PLEKHM1: variants seen among roughly 807,000 people sequenced by gnomAD.
PLEKHM1 encodes pleckstrin homology domain-containing family M member 1.
A neutral mutation model predicts 94.3 loss-of-function variants in PLEKHM1; 28 were observed. That is an observed-to-expected ratio of 0.30 (90% CI 0.22 to 0.41). The LOEUF (loss-of-function observed/expected upper bound fraction) is 0.41. Ranked by LOEUF, PLEKHM1 falls within the 10% of genes least tolerant of loss-of-function variation. The pLI is 1.00. For synonymous variants in PLEKHM1, 424 were observed against 581.2 expected (o/e 0.73, Z 3.89); for missense variants, 907 against 1,358.6 (o/e 0.67, Z 5.22).
intron 6 of PLEKHM1, 23 bp downstream of exon 6, chr17:45,458,146 C>T (rs369155461): frequency 6.2e-7 from 1 of 1,610,352 alleles, no homozygotes; most frequent in Non-Finnish European, 8.5e-7. Context: ...TGGGACCCAC[C>T]CGGGACCCTC....
At chr17:45,469,992 A>C (rs1424512073) in intron 4 of PLEKHM1, among the ~76,000 whole-genome samples, 3 of 152,094 alleles carry the variant, frequency 2.0e-5, no homozygotes, top group African/African-American at 7.2e-5. Context: ...GAATTGCTTG[A>C]ACCCGGAAGG....
intron 5 of PLEKHM1, among the ~76,000 whole-genome samples, chr17:45,462,043 A>G (rs1597961621): frequency 6.6e-6 from 1 of 152,100 alleles, no homozygotes; most frequent in Non-Finnish European, 1.5e-5. Context: ...TCACCCTGAC[A>G]TCGCTATTTC....
intron 7 of PLEKHM1, among the ~76,000 whole-genome samples, chr17:45,451,228 G>T (rs538680716): frequency 5.4e-4 from 83 of 152,346 alleles, no homozygotes; most frequent in Non-Finnish European, 2.5e-4. Flanking sequence ...GTAGCTGGGG[G>T]ACAGGGACCA....
At chr17:45,458,076 C>T in intron 6 of PLEKHM1, 93 bp downstream of exon 6, 1 of 933,384 alleles carries the variant, frequency 1.1e-6, no homozygotes, top group South Asian at 1.4e-5. Context: ...ACACACTACC[C>T]CTTTAGCAAT....
rs1421463918 is a variant in PLEKHM1 at position 45,474,341 on chromosome 17, G to A, written c.923+759C>T. Among the ~76,000 whole-genome samples the A allele has an allele frequency of 2.0e-5, 3 of 151,998 alleles. No homozygotes were observed. The East Asian group carries it at 5.8e-4, about 29-fold the overall frequency. ...CAAGGTGCTGGGATTACAGGCGTGA[G>A]CCACCGTGCCCAGCTGCAAAAAAAT... On this transcript the variant is annotated intron_variant, in intron 4 of 11. Coordinates refer to ENST00000430334, the MANE Select transcript of PLEKHM1 (RefSeq NM_014798.3).
In PLEKHM1 at chr17:45,477,948, G is replaced by A. The variant is rs1257620083; in HGVS notation, c.248C>T (p.Pro83Leu). The change falls in exon 3 of 12, where the codon CCT becomes CTT. Residue 83 changes from proline to leucine, a missense_variant. Transcript: ENST00000430334. Reference sequence around the variant, plus strand: ...GGGCCAGAAGACAGGCTGGGGCAGAGGCTTCTGGTGGGCACTTTTCTTCCT... The same window carrying A: ...GGGCCAGAAGACAGGCTGGGGCAGAAGCTTCTGGTGGGCACTTTTCTTCCT... ...GKRKKSAHQK[P>L]LPQPVFWPLL... The A allele has an allele frequency of 5.0e-6, 8 of 1,613,874 alleles. No individual in the cohort carries two copies. The highest frequency in any genetic ancestry group is 2.7e-5 in the African/African-American group (2 of 74,936).
chr17:45,475,672 G>A lies in PLEKHM1; in HGVS notation c.351C>T (p.Arg117=), dbSNP rs770764332. ...GGGCCAGCCGCAGCCATGCCCGGCAGCGGCCCACATCCGTGTTGACAAACG... is the reference window on the plus strand; with the variant it reads ...GGGCCAGCCGCAGCCATGCCCGGCAACGGCCCACATCCGTGTTGACAAACG... The part of the protein sequence containing the change: ...HLTFVNTDVG[R]CRAWLRLALN... Residue 117 remains arginine (R), a synonymous_variant, in exon 4 of 12, where the codon CGC becomes CGT. Coordinates refer to ENST00000430334, the MANE Select transcript of PLEKHM1 (RefSeq NM_014798.3). 1 of 1,613,770 alleles carries A rather than the reference G, an allele frequency of 6.2e-7. No homozygotes were observed. Among genetic ancestry groups the A allele is most frequent in the Admixed American group, 1.7e-5 (1 of 59,958 alleles).
At chr17:45,446,786 G>GA (rs2050620296) in intron 8 of PLEKHM1, among the ~76,000 whole-genome samples, 1 of 152,104 alleles carries the variant, frequency 6.6e-6, no homozygotes, top group Non-Finnish European at 1.5e-5. Flanking sequence ...TTGTGTAGGG[G>GA]AAAAAAAGTC....
chr17:45,483,411 A>G (rs1266250447), intron 1 of PLEKHM1, among the ~76,000 whole-genome samples: 1 of 136,482 alleles, frequency 7.3e-6, no homozygotes, highest in African/African-American at 2.8e-5. Flanking sequence ...TTCCTCCTGG[A>G]AGTGGGTGGG....
At chr17:45,466,667 C>A (rs1339308256) in intron 5 of PLEKHM1, among the ~76,000 whole-genome samples, 2 of 152,008 alleles carry the variant, frequency 1.3e-5, no homozygotes, top group Non-Finnish European at 2.9e-5. Context: ...ATTTAGTCAT[C>A]AAGGATATGA....
intron 5 of PLEKHM1, among the ~76,000 whole-genome samples, chr17:45,464,802 C>T (rs1267618067): frequency 6.6e-6 from 1 of 152,246 alleles, no homozygotes; most frequent in African/African-American, 2.4e-5. Context: ...CGATGGTACA[C>T]TTCGATGACC....
At position 45,467,587 on chromosome 17, in the gene PLEKHM1, C is replaced by T. The variant is rs563213087; in HGVS notation, c.1308+622G>A. Among the ~76,000 whole-genome samples, 6 of 152,176 alleles carry T rather than the reference C, an allele frequency of 3.9e-5. No individual in the cohort carries two copies. The South Asian group carries it at 1.2e-3, about 32-fold the overall frequency. On this transcript the variant is annotated intron_variant, in intron 5 of 11. Coordinates refer to ENST00000430334, the MANE Select transcript of PLEKHM1 (RefSeq NM_014798.3). The stretch of plus-strand genomic sequence containing the variant: ...ACCAGCCTGGCCAACATGATGAAAC[C>T]CCATCTCTACTAAAAACACAAAACT...
chr17:45,446,606 C>CT (rs1357112873), intron 8 of PLEKHM1, among the ~76,000 whole-genome samples: 1 of 152,196 alleles, frequency 6.6e-6, no homozygotes, highest in African/African-American at 2.4e-5. Context: ...TGGCTCAGAT[C>CT]TTTAACATCT....
intron 8 of PLEKHM1, 114 bp downstream of exon 8, chr17:45,450,504 T>C (rs2050746221): frequency 2.0e-5 from 30 of 1,521,682 alleles, no homozygotes; most frequent in Non-Finnish European, 2.6e-5. Flanking sequence ...CCAGTGACCC[T>C]GGCTTCCCTT....
Position 45,440,158 on chromosome 17 carries a change from C to CTT in PLEKHM1, c.2901+3_2901+4dup. The CTT allele has an allele frequency of 1.2e-6, 2 of 1,613,356 alleles. No individual in the cohort carries two copies. Among genetic ancestry groups the CTT allele is most frequent in the Non-Finnish European group, 1.7e-6 (2 of 1,179,256 alleles). The stretch of plus-strand genomic sequence containing the variant: ...GTCTGGGCGGGGGAAGCATGACACT[C>CTT]TTACCTGTTGGAGGTCAGCAACACT... On this transcript the variant is annotated splice_donor_region_variant and intron_variant, in intron 10 of 11. Transcript: ENST00000430334.
Position 45,453,916 on chromosome 17 carries a change from C to T in PLEKHM1, c.1936G>A (p.Glu646Lys). 6.2e-7 allele frequency: 1 copy of T among 1,613,808 alleles called. No individual in the cohort carries two copies. The highest frequency in any genetic ancestry group is 1.1e-5 in the South Asian group (1 of 91,070). The part of the protein sequence containing the change: ...VNVQYPDQPE[E>K]PPEAPQGCLS... ...CAGCCCTGGGGCGCCTCGGGGGGTT[C>T]CTCAGGCTGGTCTGGGTACTGCACG... Residue 646 changes from glutamate (E) to lysine (K), a missense_variant, in exon 7 of 12, where the codon GAA becomes AAA. Physicochemically the swap from Glu to Lys is moderately conservative, Grantham distance 56. Around this residue, in one of 3 missense-constraint regions of PLEKHM1, gnomAD observed 477 missense variants for 601.5 expected, o/e 0.79. Transcript: ENST00000430334. The surrounding 1 kb of genome is among the most constrained non-coding windows in gnomAD (Gnocchi z 4.1).
At chr17:45,486,828 G>A (rs1460892355) in intron 1 of PLEKHM1, among the ~76,000 whole-genome samples, 1 of 152,098 alleles carries the variant, frequency 6.6e-6, no homozygotes, top group Non-Finnish European at 1.5e-5. Context: ...TCATGCTCAG[G>A]GAGGCAGGGC....
At chr17:45,483,130 C>T (rs1188099157) in intron 1 of PLEKHM1, among the ~76,000 whole-genome samples, 1 of 151,932 alleles carries the variant, frequency 6.6e-6, no homozygotes, top group Non-Finnish European at 1.5e-5. Context: ...TTGAGCAGCA[C>T]AGACAGGGAC....
chr17:45,458,271 C>T lies in PLEKHM1; in HGVS notation c.1477G>A (p.Ala493Thr), dbSNP rs964868552. The T allele has an allele frequency of 1.9e-6, 3 of 1,610,734 alleles. No homozygotes were observed. Among genetic ancestry groups the T allele is most frequent in the South Asian group, 1.1e-5 (1 of 90,484 alleles). Residue 493 changes from alanine (A) to threonine (T), a missense_variant, in exon 6 of 12, where the codon GCG becomes ACG. Coordinates refer to ENST00000430334, the MANE Select transcript of PLEKHM1 (RefSeq NM_014798.3). Reference sequence around the variant, plus strand: ...GAAGGTACACACGCTTGGTCTAACGCCCCCAGGGAGCAGTTTTTTCTTGGT... The same window carrying T: ...GAAGGTACACACGCTTGGTCTAACGTCCCCAGGGAGCAGTTTTTTCTTGGT... ...QEPRKNCSLG[A>T]LDQACVPSPG... is the part of the protein sequence containing the mutation.
Sources: gnomAD v4.1 joint callset for allele counts (sites outside exome capture counted in the v4.1 genomes callset) on GRCh38, gnomAD v4.1.1 for gene constraint, gnomAD v4.1.1 regional missense constraint, Gnocchi (gnomAD v3.1) non-coding constraint, MANE v1.5 for transcripts, NCBI Gene and HGNC (gene_info 2026-07-23, HGNC 2026-07-21) for gene names.